The following IGSF9B variants were observed in gnomAD, a reference collection of about 807,000 sequenced individuals.
IGSF9B encodes immunoglobulin superfamily member 9B, also known as protein turtle homolog B.
In IGSF9B, 48 loss-of-function variants were observed where a neutral mutation model predicts 143.7. The observed-to-expected ratio is 0.33, with a 90% confidence interval of 0.26 to 0.42. The LOEUF is 0.42. Among genes scored for constraint, IGSF9B ranks in the 20% least tolerant of loss-of-function variants. The probability of loss-of-function intolerance (pLI) is 1.00; values close to 1 mark genes in which losing one functional copy is unlikely to be tolerated. For missense variants in IGSF9B, 1,706 were observed against 1,980.0 expected, an observed-to-expected ratio of 0.86 and a Z score of 2.63; for synonymous variants, 903 against 833.1, an observed-to-expected ratio of 1.08 and a Z score of -1.44.
intron 3 of IGSF9B, among the ~76,000 whole-genome samples, chr11:133,940,935 G>T (rs1270678112): frequency 1.3e-5 from 2 of 152,184 alleles, no homozygotes; most frequent in African/African-American, 2.4e-5. Flanking sequence ...GCTTATCTCC[G>T]ACACAGCCCC....
intron 6 of IGSF9B, 30 bp from the exon 7 acceptor site, chr11:133,935,792 G>A (rs369035882): frequency 6.2e-7 from 1 of 1,603,776 alleles, no homozygotes; most frequent in Non-Finnish European, 8.5e-7. Context: ...CAGGGGGTTG[G>A]GCGAGCAGAA....
intron 15 of IGSF9B, 65 bp from the exon 16 acceptor site, chr11:133,922,795 T>A: frequency 1.4e-6 from 2 of 1,432,802 alleles, no homozygotes; most frequent in South Asian, 2.6e-5. Context: ...GCTCCGACCT[T>A]CAGTCCCCAA....
chr11:133,900,851 T>C lies in IGSF9B; in HGVS notation c.*8218A>G, dbSNP rs1939109083. On this transcript the variant is annotated 3_prime_UTR_variant, in exon 20 of 20. Transcript: ENST00000533871. Reference sequence around the variant, plus strand: ...CAGCCAGCCTCACAAACTCTCCCATTGCCATGCCCTCTATGAGCGGTCTGA... The same window carrying C: ...CAGCCAGCCTCACAAACTCTCCCATCGCCATGCCCTCTATGAGCGGTCTGA... 6.6e-6 allele frequency: 1 copy of C among 152,304 alleles called. No homozygotes were observed. Among genetic ancestry groups the C allele is most frequent in the Non-Finnish European group, 1.5e-5 (1 of 68,108 alleles). The allele number at this position is 152,304 out of a possible 1,614,324, so 9.4% of individuals were successfully genotyped here.
rs138485134 is a variant in IGSF9B at position 133,907,775 on chromosome 11, G to A, written c.*1294C>T. Among the ~76,000 whole-genome samples the A allele has an allele frequency of 1.6e-4, 25 of 152,344 alleles. No individual in the cohort carries two copies. Among genetic ancestry groups the A allele is most frequent in the African/African-American group, 5.1e-4 (21 of 41,582 alleles). On this transcript the variant is annotated 3_prime_UTR_variant, in exon 20 of 20. Transcript: ENST00000533871. ...GCCACAGAATAGAACTGGGCAAAGA[G>A]GGCAGGATCCAGAGCGTCCCAGGCC...
chr11:133,919,761 G>A lies in IGSF9B; in HGVS notation c.3964C>T (p.Pro1322Ser), dbSNP rs200416290. The A allele has an allele frequency of 3.6e-5, 53 of 1,480,002 alleles. No individual in the cohort carries two copies. In the South Asian group the frequency reaches 7.2e-4, roughly 20 times the overall value. The allele number at this position is 1,480,002 out of a possible 1,614,324, so 91.7% of individuals were successfully genotyped here. A position where few individuals can be genotyped will look rare whatever the true frequency, so the allele number is the denominator to read the frequency against. The change falls in exon 18 of 20, where the codon CCC becomes TCC. Residue 1322 changes from proline to serine, a missense_variant. Transcript: ENST00000533871. ...ACTCACCCTGAAGTAGGTAACGTGG[G>A]TGGTGGGGTCTCCGGTCGGAGCAAT... ...EELLRPETPPPTLPTSGTLPP... is the reference protein window; with the variant it reads ...EELLRPETPPSTLPTSGTLPP...
At chr11:133,934,485 GT>G (rs1278895930) in intron 7 of IGSF9B, among the ~76,000 whole-genome samples, 1 of 152,238 alleles carries the variant, frequency 6.6e-6, no homozygotes, top group Non-Finnish European at 1.5e-5. Flanking sequence ...AGTGAGATCT[GT>G]TGTCCTGGAC....
rs1014413501 is a variant in IGSF9B, at chr11:133,902,157, A to G, written c.*6912T>C. Among the ~76,000 whole-genome samples the G allele has an allele frequency of 1.3e-5, 2 of 149,414 alleles. No homozygotes were observed. Among genetic ancestry groups the G allele is most frequent in the Non-Finnish European group, 3.0e-5 (2 of 67,318 alleles). On this transcript the variant is annotated 3_prime_UTR_variant, in exon 20 of 20. Coordinates refer to ENST00000533871, the MANE Select transcript of IGSF9B (RefSeq NM_001277285.4). ...GTACCACACCAAACACACCAGACAC[A>G]CCACACACACCAAACACACACACAC...
intron 5 of IGSF9B, 27 bp from the exon 6 acceptor site, chr11:133,936,221 C>T (rs1420512376): frequency 1.4e-5 from 22 of 1,596,748 alleles, no homozygotes; most frequent in Non-Finnish European, 1.8e-5. Flanking sequence ...ACAAACCCCA[C>T]CTCGCCTGAT....
In IGSF9B at chr11:133,936,202, G is replaced by A. The variant is rs1259850637; in HGVS notation, c.680-8C>T. 10 of 1,605,778 alleles carry A rather than the reference G, an allele frequency of 6.2e-6. No homozygotes were observed. In the Admixed American group the frequency reaches 1.5e-4, roughly 25 times the overall value. On this transcript the variant is annotated splice_region_variant and splice_polypyrimidine_tract_variant and intron_variant, in intron 5 of 19. Coordinates refer to ENST00000533871, the MANE Select transcript of IGSF9B (RefSeq NM_001277285.4). ...AGACGATGAAAGGGGGCCCTGGGGA[G>A]AGCAGGGAACAAACCCCACCTCGCC...
At position 133,935,681 on chromosome 11, in the gene IGSF9B, G is replaced by A. The variant is rs764593256; in HGVS notation, c.903C>T (p.Tyr301=). ...FRVKPEDSGK[Y]TCVPSNSLGR... is the part of the protein sequence containing the mutation. ...CCAGGCTGTTGCTGGGCACACAGGT[G>A]TACTTCCCCGAGTCCTCCGGCTTCA... Residue 301 remains tyrosine (Y), a synonymous_variant, in exon 7 of 20, where the codon TAC becomes TAT. Transcript: ENST00000533871. 32 of 1,610,322 alleles carry A rather than the reference G, an allele frequency of 2.0e-5. No individual in the cohort carries two copies. In the African/African-American group the frequency reaches 3.6e-4, roughly 18 times the overall value.
At chr11:133,910,223 G>A (rs1484820954) in intron 19 of IGSF9B, among the ~76,000 whole-genome samples, 4 of 152,196 alleles carry the variant, frequency 2.6e-5, no homozygotes, top group Admixed American at 6.5e-5. Flanking sequence ...ACGCCTGCAC[G>A]TGTGTGTTCG....
Position 133,906,932 on chromosome 11 carries a change from G to A in IGSF9B, c.*2137C>T, listed in dbSNP as rs547215605. ...GCTCCCGTCATCCCCCAGGAGAGACGCCCAAGTGAGCAGCACATCACGACG... is the reference window on the plus strand; with the variant it reads ...GCTCCCGTCATCCCCCAGGAGAGACACCCAAGTGAGCAGCACATCACGACG... On this transcript the variant is annotated 3_prime_UTR_variant, in exon 20 of 20. Transcript: ENST00000533871. 6.6e-6 allele frequency among the ~76,000 whole-genome samples: 1 copy of A among 152,262 alleles called. No individual in the cohort carries two copies. Among genetic ancestry groups the A allele is most frequent in the East Asian group, 1.9e-4 (1 of 5,164 alleles).
At chr11:133,927,514 C>G (rs772627033) in intron 12 of IGSF9B, among the ~76,000 whole-genome samples, 35 of 152,314 alleles carry the variant, frequency 2.3e-4, no homozygotes, top group Admixed American at 2.6e-4. Flanking sequence ...GCACACACCC[C>G]CAGGGACAGC....
intron 6 of IGSF9B, 77 bp from the exon 7 acceptor site, chr11:133,935,839 C>T (rs958904034): frequency 1.6e-5 from 24 of 1,542,548 alleles, no homozygotes; most frequent in Admixed American, 5.4e-5. Flanking sequence ...ACCGTCACTG[C>T]CCCAGATGTG....
rs1555082775 is a variant in IGSF9B, at chr11:133,902,427, C to CG, written c.*6641_*6642insC. ...ACACATACCACACACAATACACACA[C>CG]CACACCACACACACCACCCAGACAC... On this transcript the variant is annotated 3_prime_UTR_variant, in exon 20 of 20. Transcript: ENST00000533871. Among the ~76,000 whole-genome samples the CG allele has an allele frequency of 2.7e-5, 2 of 74,650 alleles. No individual in the cohort carries two copies. The highest frequency in any genetic ancestry group is 7.2e-4 in the East Asian group (1 of 1,398). The allele number at this position is 74,650 out of a possible 152,430, so 49.0% of individuals were successfully genotyped here. A position where few individuals can be genotyped will look rare whatever the true frequency, so the allele number is the denominator to read the frequency against.
In IGSF9B at chr11:133,902,093, CAA is replaced by C. The variant is rs1939139265; in HGVS notation, c.*6974_*6975del. On this transcript the variant is annotated 3_prime_UTR_variant, in exon 20 of 20. Transcript: ENST00000533871. The stretch of plus-strand genomic sequence containing the variant: ...ACAATAACACACCACATACAATACA[CAA>C]AACACATAGCACACACACACACCAC... 6.8e-6 allele frequency among the ~76,000 whole-genome samples: 1 copy of C among 147,282 alleles called. No individual in the cohort carries two copies. The highest frequency in any genetic ancestry group is 2.2e-4 in the South Asian group (1 of 4,532).
At chr11:133,935,988 T>A in intron 6 of IGSF9B, 65 bp downstream of exon 6, 1 of 1,575,062 alleles carries the variant, frequency 6.3e-7, no homozygotes, top group Non-Finnish European at 8.6e-7. Flanking sequence ...CAATTTCTGC[T>A]CAGGGGCCCT....
At chr11:133,922,287 T>C in intron 16 of IGSF9B, 65 bp from the exon 17 acceptor site, 3 of 1,370,696 alleles carry the variant, frequency 2.2e-6, no homozygotes, top group Non-Finnish European at 2.0e-6. Context: ...CACGCGCATC[T>C]GCAGAGGCTG....
chr11:133,902,481 AAC>A lies in IGSF9B; in HGVS notation c.*6586_*6587del, dbSNP rs955882153. ...ACACACAGATACACACACCACACAC[AAC>A]ACACACACACACCAGACATGCACAC... is the stretch of plus-strand genomic sequence containing the variant. On this transcript the variant is annotated 3_prime_UTR_variant, in exon 20 of 20. Transcript: ENST00000533871. Among the ~76,000 whole-genome samples the A allele has an allele frequency of 2.5e-3, 166 of 65,436 alleles. No homozygotes were observed. Among genetic ancestry groups the A allele is most frequent in the Non-Finnish European group, 5.4e-3 (130 of 24,028 alleles). The allele number at this position is 65,436 out of a possible 152,430, so 42.9% of individuals were successfully genotyped here.
Sources: allele counts gnomAD v4.1 joint callset (sites outside exome capture counted in the v4.1 genomes callset), GRCh38; gene constraint gnomAD v4.1.1; transcripts MANE v1.5; gene names NCBI Gene and HGNC (gene_info 2026-07-23, HGNC 2026-07-21).